The following INPP4B variants were observed in gnomAD, a reference collection of about 807,000 sequenced individuals.
INPP4B encodes inositol polyphosphate-4-phosphatase type II B.
INPP4B carries 55 observed loss-of-function variants against 122.5 expected under a neutral mutation model. The ratio of observed to expected loss-of-function variants is 0.45; its 90% CI spans 0.36 to 0.56. INPP4B has a LOEUF of 0.56. Ranked by LOEUF, INPP4B falls within the 20% of genes least tolerant of loss-of-function variation. The pLI, the probability that INPP4B is intolerant of heterozygous loss-of-function variation, is 0.00. For missense variants in INPP4B, 1,000 were observed against 1,097.7 expected, an observed-to-expected ratio of 0.91 and a Z score of 1.26; for synonymous variants, 403 against 388.7, an observed-to-expected ratio of 1.04 and a Z score of -0.43.
intron 12 of INPP4B, among the ~76,000 whole-genome samples, chr4:142,232,389 T>G (rs1854780758): frequency 6.6e-6 from 1 of 152,130 alleles, no homozygotes; most frequent in South Asian, 2.1e-4. Context: ...TGCAATGTTT[T>G]CAATGTTTTC....
chr4:142,416,756 T>A (rs1345969027), intron 5 of INPP4B, among the ~76,000 whole-genome samples: 1 of 152,142 alleles, frequency 6.6e-6, no homozygotes, highest in African/African-American at 2.4e-5. Context: ...TCATGTGTGA[T>A]TCTGTGTAGG....
At chr4:142,720,474 G>C (rs1391456714) in intron 2 of INPP4B, among the ~76,000 whole-genome samples, 1 of 151,804 alleles carries the variant, frequency 6.6e-6, no homozygotes, top group Non-Finnish European at 1.5e-5. Flanking sequence ...GGATGTTCAA[G>C]TCCCTTATAT....
At chr4:142,157,792 A>G (rs1186483954) in intron 17 of INPP4B, among the ~76,000 whole-genome samples, 1 of 148,080 alleles carries the variant, frequency 6.8e-6, no homozygotes, top group Non-Finnish European at 1.5e-5. Flanking sequence ...TTATTCTCAA[A>G]TTTTTCACGT....
intron 12 of INPP4B, among the ~76,000 whole-genome samples, chr4:142,227,531 T>C (rs1348109975): frequency 1.3e-5 from 2 of 152,032 alleles, no homozygotes; most frequent in Non-Finnish European, 2.9e-5. Flanking sequence ...ATCTCAGATA[T>C]AGAATGCAAT....
intron 2 of INPP4B, among the ~76,000 whole-genome samples, chr4:142,680,956 A>G (rs573305575): frequency 6.6e-5 from 10 of 152,040 alleles, no homozygotes; most frequent in African/African-American, 1.9e-4. Context: ...GACATTCATG[A>G]AAGTCAGAAA....
At chr4:142,717,068 T>G (rs2150820594) in intron 2 of INPP4B, among the ~76,000 whole-genome samples, 1 of 152,342 alleles carries the variant, frequency 6.6e-6, no homozygotes, top group Admixed American at 6.5e-5. Flanking sequence ...CCATGGCAAG[T>G]ATTACTGTCC....
chr4:142,624,239 G>T (rs1458592430), intron 2 of INPP4B, among the ~76,000 whole-genome samples: 1 of 151,888 alleles, frequency 6.6e-6, no homozygotes, highest in Non-Finnish European at 1.5e-5. Flanking sequence ...GTTGTTTCCT[G>T]ACTTTTTAAT....
rs1763160171 is a variant in INPP4B, at chr4:142,305,878, A to ATT, written c.424-342_424-341insAA. The ATT allele has an allele frequency of 2.8e-6, 3 of 1,073,674 alleles. No homozygotes were observed. In the South Asian group the frequency reaches 7.9e-5, roughly 28 times the overall value. The allele number at this position is 1,073,674 out of a possible 1,614,324, so 66.5% of individuals were successfully genotyped here. On this transcript the variant is annotated intron_variant, in intron 8 of 25. Transcript: ENST00000262992. ...AGATGATATATTTTCCATATTTACCAATGCTGTTGTTCCTCTTATTAGAAT... is the reference window on the plus strand; with the variant it reads ...AGATGATATATTTTCCATATTTACCATTATGCTGTTGTTCCTCTTATTAGAAT...
rs574076596 is a variant in INPP4B, at chr4:142,070,825, C to T, written c.2642+11206G>A. Among the ~76,000 whole-genome samples, 10 of 152,014 alleles carry T rather than the reference C, an allele frequency of 6.6e-5. No individual in the cohort carries two copies. The East Asian group carries it at 7.7e-4, about 12-fold the overall frequency. ...TGGAGAACTACAAACCACTCCTCAA[C>T]GAAATAAAAGAGGACACAAGCAAAT... On this transcript the variant is annotated intron_variant, in intron 25 of 25. Coordinates refer to ENST00000262992, the MANE Select transcript of INPP4B (RefSeq NM_001101669.3).
At chr4:142,604,075 A>G (rs1340627613) in intron 2 of INPP4B, among the ~76,000 whole-genome samples, 1 of 152,176 alleles carries the variant, frequency 6.6e-6, no homozygotes, top group African/African-American at 2.4e-5. Flanking sequence ...GGTTCAATAC[A>G]CGCAAATCAA....
chr4:142,677,164 C>T (rs964379402), intron 2 of INPP4B, among the ~76,000 whole-genome samples: 3 of 152,008 alleles, frequency 2.0e-5, no homozygotes, highest in Admixed American at 6.6e-5. Flanking sequence ...CAAACAACCC[C>T]ATCAAAAAGT....
chr4:142,620,681 A>C (rs1744718082), intron 2 of INPP4B, among the ~76,000 whole-genome samples: 1 of 152,040 alleles, frequency 6.6e-6, no homozygotes, highest in Admixed American at 6.6e-5. Flanking sequence ...TAAAGATATG[A>C]GTATTAAAAA....
At chr4:142,432,501 G>A (rs1489662809) in intron 3 of INPP4B, among the ~76,000 whole-genome samples, 1 of 152,036 alleles carries the variant, frequency 6.6e-6, no homozygotes. Flanking sequence ...GGGGGTAGAA[G>A]GCTATTGCAC....
At chr4:142,289,937 ATG>A (rs1755619482) in intron 9 of INPP4B, among the ~76,000 whole-genome samples, 1 of 152,122 alleles carries the variant, frequency 6.6e-6, no homozygotes, top group South Asian at 2.1e-4. Context: ...GAATGTGACC[ATG>A]TCTTACCACC....
At chr4:142,268,785 C>T (rs569915472) in intron 10 of INPP4B, among the ~76,000 whole-genome samples, 4 of 152,206 alleles carry the variant, frequency 2.6e-5, no homozygotes, top group African/African-American at 9.6e-5. Context: ...CATTTATATG[C>T]TGAGAAAGAA....
In INPP4B at chr4:142,428,618, C is replaced by T. The variant is rs571487911; in HGVS notation, c.136+555G>A. 1.2e-4 allele frequency among the ~76,000 whole-genome samples: 18 copies of T among 152,052 alleles called. No individual in the cohort carries two copies. In the South Asian group the frequency reaches 3.1e-3, roughly 26 times the overall value. On this transcript the variant is annotated intron_variant, in intron 5 of 25. Coordinates refer to ENST00000262992, the MANE Select transcript of INPP4B (RefSeq NM_001101669.3). ...TCAGAATGCACACTTTTAATTCATC[C>T]TTGGACAAAGTTACAAATTTTTACA... is the stretch of plus-strand genomic sequence containing the variant.
At chr4:142,303,394 T>G (rs1188271416) in intron 9 of INPP4B, among the ~76,000 whole-genome samples, 1 of 152,152 alleles carries the variant, frequency 6.6e-6, no homozygotes, top group Admixed American at 6.6e-5. Flanking sequence ...AGAATTTTAT[T>G]GTTTTAAAAT....
intron 1 of INPP4B, among the ~76,000 whole-genome samples, chr4:142,806,848 A>AAAGAAAGG (rs1561091737): frequency 4.7e-5 from 7 of 148,710 alleles, no homozygotes; most frequent in Admixed American, 1.3e-4. Context: ...AGAAAGAAAG[A>AAAGAAAGG]AAGGAGAAGA....
intron 1 of INPP4B, among the ~76,000 whole-genome samples, chr4:142,737,221 G>C (rs865910378): frequency 8.3e-4 from 126 of 152,180 alleles, no homozygotes; most frequent in African/African-American, 2.9e-3. Flanking sequence ...ATACTACAAG[G>C]CTACAGTAAC....
Sources: allele counts gnomAD v4.1 joint callset (sites outside exome capture counted in the v4.1 genomes callset), GRCh38; gene constraint gnomAD v4.1.1; transcripts MANE v1.5; gene names NCBI Gene and HGNC (gene_info 2026-07-23, HGNC 2026-07-21).